Variants in FAF1 observed in about 807,000 individuals in gnomAD.
FAF1 encodes FAS-associated factor 1.
A neutral mutation model predicts 92.5 loss-of-function variants in FAF1; 25 were observed. The ratio of observed to expected loss-of-function variants is 0.27; its 90% CI spans 0.20 to 0.38. The LOEUF is 0.38. FAF1 is among the 10% of genes least tolerant of loss of function. The pLI is 1.00. For synonymous variants in FAF1, 234 were observed against 273.2 expected (o/e 0.86, Z 1.42); for missense variants, 636 against 793.3 (o/e 0.80, Z 2.38).
intron 8 of FAF1, among the ~76,000 whole-genome samples, chr1:50,621,391 C>CTTTTTTTTTTTTTTTTTT (rs36053834): frequency 1.1e-5 from 1 of 89,216 alleles, no homozygotes; most frequent in Non-Finnish European, 2.2e-5. Flanking sequence ...TTCTTTTTTT[C>CTTTTTTTTTTTTTTTTTT]TTTTTTTTTT....
intron 4 of FAF1, among the ~76,000 whole-genome samples, chr1:50,787,339 G>C (rs1661397147): frequency 1.3e-5 from 2 of 152,142 alleles, no homozygotes; most frequent in African/African-American, 2.4e-5. Context: ...TTAAGACGCA[G>C]GTCCTTTAAA....
rs1375923156 is a variant in FAF1 at position 50,729,058 on chromosome 1, A to ATATATTTT, written c.551+9804_551+9805insAAAATATA. On this transcript the variant is annotated intron_variant, in intron 6 of 18. Coordinates refer to ENST00000396153, the MANE Select transcript of FAF1 (RefSeq NM_007051.3). ...TCTATATATATATATATATATATAT[A>ATATATTTT]TTTTTTTTTTTTTTGAGGCAGAGTT... 1.9e-3 allele frequency among the ~76,000 whole-genome samples: 135 copies of ATATATTTT among 70,088 alleles called. 2 individuals are homozygous for ATATATTTT. The highest frequency in any genetic ancestry group is 4.1e-3 in the African/African-American group (69 of 16,924). The allele number at this position is 70,088 out of a possible 152,430, so 46.0% of individuals were successfully genotyped here.
chr1:50,846,511 C>T (rs1478929222), intron 2 of FAF1: 3 of 495,834 alleles, frequency 6.1e-6, no homozygotes, highest in Non-Finnish European at 1.2e-5. Context: ...AGCCATGCCG[C>T]GGCCAGACTG....
At chr1:50,455,142 C>G (rs1646336415) in intron 18 of FAF1, among the ~76,000 whole-genome samples, 1 of 152,236 alleles carries the variant, frequency 6.6e-6, no homozygotes, top group African/African-American at 2.4e-5. Context: ...CTGGCTCTAG[C>G]TTCTGTCAGT....
chr1:50,949,873 T>A (rs1408185106), intron 1 of FAF1, among the ~76,000 whole-genome samples: 1 of 152,160 alleles, frequency 6.6e-6, no homozygotes, highest in African/African-American at 2.4e-5. Flanking sequence ...CATTCTTTTT[T>A]TTTCGAGACA....
intron 2 of FAF1, among the ~76,000 whole-genome samples, chr1:50,836,635 A>G (rs557283355): frequency 1.2e-4 from 18 of 152,186 alleles, no homozygotes; most frequent in Admixed American, 5.2e-4. Context: ...TACTCTGACA[A>G]GTTTACTTTC....
chr1:50,710,609 T>C (rs1443634427), intron 6 of FAF1, among the ~76,000 whole-genome samples: 5 of 146,434 alleles, frequency 3.4e-5, no homozygotes, highest in African/African-American at 5.1e-5. Context: ...TTAAAAACCC[T>C]TTTTTTTTTT....
chr1:50,576,322 T>C (rs182499441), intron 12 of FAF1, among the ~76,000 whole-genome samples: 18 of 152,284 alleles, frequency 1.2e-4, no homozygotes, highest in African/African-American at 3.4e-4. Context: ...AAATCAGCAA[T>C]TGAGTACTGA....
In FAF1 at chr1:50,827,439, T is replaced by C. The variant is rs190777766; in HGVS notation, c.115-25762A>G. On this transcript the variant is annotated intron_variant, in intron 2 of 18. Transcript: ENST00000396153. ...CAGATGCTTGAAGGCAGCATGCTCC[T>C]TAAGAGTCATCACCACTCCCTAATC... 1.6e-3 allele frequency among the ~76,000 whole-genome samples: 247 copies of C among 152,268 alleles called. 1 individual carries two copies. Among genetic ancestry groups the C allele is most frequent in the Non-Finnish European group, 1.0e-3 (69 of 68,016 alleles).
chr1:50,930,607 G>A (rs1003537349), intron 1 of FAF1, among the ~76,000 whole-genome samples: 3 of 152,162 alleles, frequency 2.0e-5, no homozygotes, highest in African/African-American at 4.8e-5. Flanking sequence ...AGGCCAAGGC[G>A]GGTGGATCAC....
intron 6 of FAF1, among the ~76,000 whole-genome samples, chr1:50,720,098 T>C (rs965292369): frequency 6.6e-6 from 1 of 151,976 alleles, no homozygotes; most frequent in Non-Finnish European, 1.5e-5. Flanking sequence ...ACCTCCTGAG[T>C]TGAAGCAATT....
intron 2 of FAF1, among the ~76,000 whole-genome samples, chr1:50,848,582 T>C (rs148120807): frequency 6.6e-6 from 1 of 152,338 alleles, no homozygotes; most frequent in African/African-American, 2.4e-5. Flanking sequence ...TGGAGAAAAC[T>C]GGGAGACGCT....
intron 5 of FAF1, among the ~76,000 whole-genome samples, chr1:50,742,350 A>G (rs1659421116): frequency 7.3e-6 from 1 of 137,358 alleles, no homozygotes; most frequent in South Asian, 2.5e-4. Context: ...AGTAAATTGA[A>G]GTATTTGTAA....
intron 18 of FAF1, among the ~76,000 whole-genome samples, chr1:50,464,158 T>C (rs1264374861): frequency 6.6e-6 from 1 of 152,134 alleles, no homozygotes; most frequent in Non-Finnish European, 1.5e-5. Flanking sequence ...CCTCACTTAA[T>C]TCTTTATTTT....
intron 18 of FAF1, among the ~76,000 whole-genome samples, chr1:50,470,325 T>A (rs1646555545): frequency 6.6e-6 from 1 of 152,230 alleles, no homozygotes; most frequent in South Asian, 2.1e-4. Context: ...GCAATGGTCA[T>A]AAGAAAACTT....
chr1:50,928,757 C>T (rs1645025411), intron 1 of FAF1, among the ~76,000 whole-genome samples: 1 of 123,928 alleles, frequency 8.1e-6, no homozygotes, highest in South Asian at 2.5e-4. Context: ...GACTCCAGCC[C>T]AGGCAACAGT....
Position 50,757,441 on chromosome 1 carries a change from T to C in FAF1, c.368-12666A>G, listed in dbSNP as rs1660119336. 3.9e-5 allele frequency among the ~76,000 whole-genome samples: 6 copies of C among 152,320 alleles called. No individual in the cohort carries two copies. The South Asian group carries it at 1.2e-3, about 32-fold the overall frequency. ...ATATTTCAAACTCTGTTATTAGATA[T>C]ATACACAGTTAGGATACTTATGTCT... On this transcript the variant is annotated intron_variant, in intron 4 of 18. Coordinates refer to ENST00000396153, the MANE Select transcript of FAF1 (RefSeq NM_007051.3).
At chr1:50,450,446 C>T (rs914791100) in intron 18 of FAF1, among the ~76,000 whole-genome samples, 1 of 152,154 alleles carries the variant, frequency 6.6e-6, no homozygotes, top group East Asian at 1.9e-4. Flanking sequence ...AGTCATTACC[C>T]TTCACTGCCT....
chr1:50,678,653 G>T (rs1656265613), intron 7 of FAF1, among the ~76,000 whole-genome samples: 1 of 151,528 alleles, frequency 6.6e-6, no homozygotes, highest in Non-Finnish European at 1.5e-5. Context: ...GGCAGCAGGT[G>T]CCTGTAATCC....
Sources: allele counts gnomAD v4.1 joint callset (sites outside exome capture counted in the v4.1 genomes callset), GRCh38; gene constraint gnomAD v4.1.1; transcripts MANE v1.5; gene names NCBI Gene and HGNC (gene_info 2026-07-23, HGNC 2026-07-21).